Variants in SHANK2 observed in about 807,000 individuals in gnomAD.
SHANK2 encodes SH3 and multiple ankyrin repeat domains 2.
In SHANK2, 43 loss-of-function variants were observed where a neutral mutation model predicts 133.7. The ratio of observed to expected loss-of-function variants is 0.32; its 90% CI spans 0.25 to 0.41. SHANK2 has a LOEUF of 0.41. SHANK2 is among the 10% of genes least tolerant of loss of function. The pLI, the probability that SHANK2 is intolerant of heterozygous loss-of-function variation, is 1.00. For synonymous variants in SHANK2, 1,017 were observed against 952.8 expected, an observed-to-expected ratio of 1.07 and a Z score of -1.24; for missense variants, 1,994 against 2,235.8, an observed-to-expected ratio of 0.89 and a Z score of 2.18.
At chr11:71,080,666 A>G (rs1951286678) in intron 8 of SHANK2, among the ~76,000 whole-genome samples, 1 of 152,166 alleles carries the variant, frequency 6.6e-6, no homozygotes, top group African/African-American at 2.4e-5. Context: ...TAGAGACACC[A>G]CAGCCCACAC....
chr11:70,703,375 C>G (rs1945584349), intron 14 of SHANK2, among the ~76,000 whole-genome samples: 1 of 152,204 alleles, frequency 6.6e-6, no homozygotes, highest in Non-Finnish European at 1.5e-5. Flanking sequence ...CCGTGTAAAT[C>G]CAGGTGGTCT....
intron 8 of SHANK2, among the ~76,000 whole-genome samples, chr11:71,076,145 G>A (rs1268256183): frequency 1.3e-5 from 2 of 152,178 alleles, no homozygotes; most frequent in African/African-American, 4.8e-5. Context: ...TCCCCGCACA[G>A]GTGATGAGGG....
At chr11:70,872,984 A>G (rs1555070476) in intron 11 of SHANK2, 1 of 471,214 alleles carries the variant, frequency 2.1e-6, no homozygotes, top group Non-Finnish European at 4.4e-6. Context: ...CAAACATTAC[A>G]AAAGCTAAAG....
Position 70,798,518 on chromosome 11 carries a change from C to T in SHANK2, c.1702G>A (p.Ala568Thr), listed in dbSNP as rs914402335. ...IGEGGFWEGS[A>T]RGHIGWFPAE... ...GGAAACCATCCGATGTGGCCGCGGG[C>T]GCTGCCTTCCCAGAAGCCCCCTTCA... The change falls in exon 14 of 26, where the codon GCC becomes ACC. Residue 568 changes from alanine (A) to threonine (T), a missense_variant. Physicochemically the swap from Ala to Thr is moderately conservative, Grantham distance 58. Around this residue, in one of 5 missense-constraint regions of SHANK2, gnomAD observed 653 missense variants for 563.4 expected, o/e 1.16. Transcript: ENST00000601538. The T allele has an allele frequency of 1.3e-5, 9 of 718,478 alleles. No individual in the cohort carries two copies. Among genetic ancestry groups the T allele is most frequent in the Non-Finnish European group, 1.8e-5 (7 of 385,102 alleles). The allele number at this position is 718,478 out of a possible 1,614,324, so 44.5% of individuals were successfully genotyped here. A position where few individuals can be genotyped will look rare whatever the true frequency, so the allele number is the denominator to read the frequency against.
intron 17 of SHANK2, among the ~76,000 whole-genome samples, chr11:70,643,518 C>T (rs1207202585): frequency 5.4e-5 from 8 of 147,606 alleles, no homozygotes; most frequent in African/African-American, 2.0e-4. Context: ...GAGCTGAGAT[C>T]ACGCGCCACT....
At position 71,175,722 on chromosome 11, in the gene SHANK2, T is replaced by G. The variant is rs1450155481; in HGVS notation, c.-12-28384A>C. 6.6e-6 allele frequency among the ~76,000 whole-genome samples: 1 copy of G among 152,062 alleles called. No homozygotes were observed. Among genetic ancestry groups the G allele is most frequent in the Non-Finnish European group, 1.5e-5 (1 of 68,002 alleles). ...AAAATATGTAAAAAGAAAAATAACA[T>G]ATATTTTCAAAGTATAGGACAGGAT... On this transcript the variant is annotated intron_variant, in intron 2 of 25. Coordinates refer to ENST00000601538, the MANE Select transcript of SHANK2 (RefSeq NM_012309.5). This position sits in a 1 kb window ranked among gnomAD's most constrained non-coding sequence, Gnocchi z 4.2.
chr11:70,756,390 T>C (rs1946873880), intron 14 of SHANK2, among the ~76,000 whole-genome samples: 1 of 152,102 alleles, frequency 6.6e-6, no homozygotes, highest in Non-Finnish European at 1.5e-5. Context: ...CTGGCCACGG[T>C]GCTGGGCCTA....
intron 14 of SHANK2, among the ~76,000 whole-genome samples, chr11:70,789,816 A>G (rs546442557): frequency 1.3e-4 from 20 of 152,362 alleles, no homozygotes; most frequent in African/African-American, 4.3e-4. Context: ...GGATGGAAAC[A>G]GGGATGTACA....
At position 71,085,681 on chromosome 11, in the gene SHANK2, AATATAAT is replaced by A. The variant is rs1283508239; in HGVS notation, c.912+6734_912+6740del. On this transcript the variant is annotated intron_variant, in intron 8 of 25. Transcript: ENST00000601538. Reference sequence around the variant, plus strand: ...ATTATATTATATATGTTATATATATAATATAATATATAACATATTATATGTTATATAT... The same window carrying A: ...ATTATATTATATATGTTATATATATAATATAACATATTATATGTTATATAT... 8.9e-5 allele frequency among the ~76,000 whole-genome samples: 6 copies of A among 67,356 alleles called. No homozygotes were observed. In the Admixed American group the frequency reaches 1.7e-3, roughly 19 times the overall value. 44.2% of individuals were successfully genotyped at this position (67,356 alleles called of 152,430 possible).
At chr11:70,490,445 A>G in intron 22 of SHANK2, 58 bp from the exon 23 acceptor site, 1 of 1,433,144 alleles carries the variant, frequency 7.0e-7, no homozygotes, top group Non-Finnish European at 9.8e-7. Context: ...ACCCACGGTC[A>G]CAGGGCCCAG....
intron 15 of SHANK2, chr11:70,661,915 GC>G: frequency 7.0e-6 from 7 of 1,003,546 alleles, no homozygotes; most frequent in Non-Finnish European, 9.1e-6. Flanking sequence ...GGCAGGCAGA[GC>G]CGGAGCCAGC....
chr11:70,902,760 G>T (rs1181567357), intron 10 of SHANK2, among the ~76,000 whole-genome samples: 7 of 152,170 alleles, frequency 4.6e-5, no homozygotes, highest in African/African-American at 1.7e-4. Flanking sequence ...CCTTTTGCTG[G>T]TGCTGACAAA....
chr11:70,882,119 A>T lies in SHANK2; in HGVS notation c.1174+14382T>A, dbSNP rs1302062241. ...GGGACACACTGAGGACCAGGGTTAA[A>T]GGGTGACTCACTGGCATGATGCTGG... On this transcript the variant is annotated intron_variant, in intron 11 of 25. Transcript: ENST00000601538. This position sits in a 1 kb window ranked among gnomAD's most constrained non-coding sequence, Gnocchi z 4.2. 6.6e-6 allele frequency among the ~76,000 whole-genome samples: 1 copy of T among 152,186 alleles called. No individual in the cohort carries two copies. The highest frequency in any genetic ancestry group is 2.4e-5 in the African/African-American group (1 of 41,446).
intron 9 of SHANK2, among the ~76,000 whole-genome samples, chr11:71,064,339 TG>T (rs1272057249): frequency 6.6e-6 from 1 of 152,012 alleles, no homozygotes; most frequent in Admixed American, 6.6e-5. Context: ...AGAGAGAGCC[TG>T]GGGACAGCTG....
intron 2 of SHANK2, among the ~76,000 whole-genome samples, chr11:71,170,415 G>T (rs181075348): frequency 6.6e-6 from 1 of 152,292 alleles, no homozygotes; most frequent in East Asian, 1.9e-4. Context: ...GCATCAATGA[G>T]ATGCCTAAGT....
intron 3 of SHANK2, among the ~76,000 whole-genome samples, chr11:71,141,040 T>A (rs1952544651): frequency 1.3e-5 from 2 of 152,192 alleles, no homozygotes; most frequent in Non-Finnish European, 2.9e-5. Context: ...CCTGTTCCCA[T>A]CTGTAAAGTG....
chr11:71,237,477 T>G (rs1259387497), intron 1 of SHANK2, among the ~76,000 whole-genome samples: 1 of 152,154 alleles, frequency 6.6e-6, no homozygotes. Context: ...GTTTTACCCT[T>G]TGTCTGGGGT....
At chr11:70,863,732 T>C (rs1048138854) in intron 11 of SHANK2, 7 of 439,376 alleles carry the variant, frequency 1.6e-5, no homozygotes, top group Non-Finnish European at 2.7e-5. Flanking sequence ...ATGAGATCTT[T>C]ACAGCTACAG....
chr11:70,504,893 C>A (rs1026478536), intron 17 of SHANK2, among the ~76,000 whole-genome samples: 55 of 152,280 alleles, frequency 3.6e-4, no homozygotes, highest in African/African-American at 1.3e-3. Flanking sequence ...TCTCCCCTCC[C>A]ATGAGCACAC....
Sources: gnomAD v4.1 joint callset for allele counts (sites outside exome capture counted in the v4.1 genomes callset) on GRCh38, gnomAD v4.1.1 for gene constraint, gnomAD v4.1.1 regional missense constraint, Gnocchi (gnomAD v3.1) non-coding constraint, MANE v1.5 for transcripts, NCBI Gene and HGNC (gene_info 2026-07-23, HGNC 2026-07-21) for gene names.